Variants in CTNNA2 observed in about 807,000 individuals in gnomAD.
CTNNA2 encodes the protein catenin alpha 2.
Under a neutral mutation model 101.0 loss-of-function variants are expected in CTNNA2, and 42 were observed. The ratio of observed to expected loss-of-function variants is 0.42; its 90% CI spans 0.32 to 0.54. The LOEUF is 0.54. Among genes scored for constraint, CTNNA2 ranks in the 20% least tolerant of loss-of-function variants. The pLI, the probability that CTNNA2 is intolerant of heterozygous loss-of-function variation, is 0.14. For synonymous variants in CTNNA2, 450 were observed against 456.4 expected (o/e 0.99, Z 0.18); for missense variants, 871 against 1,223.1 (o/e 0.71, Z 4.29).
chr2:79,767,548 G>C (rs1271703224), intron 3 of CTNNA2, among the ~76,000 whole-genome samples: 1 of 152,116 alleles, frequency 6.6e-6, no homozygotes, highest in East Asian at 2.0e-4. Context: ...AGCTGTATCT[G>C]CTTTAGGGGG....
chr2:79,628,206 C>A (rs1262054611), intron 1 of CTNNA2, among the ~76,000 whole-genome samples: 1 of 152,096 alleles, frequency 6.6e-6, no homozygotes, highest in African/African-American at 2.4e-5. Context: ...AATCTCAGCA[C>A]TTTGGGAGAC....
intron 12 of CTNNA2, among the ~76,000 whole-genome samples, chr2:80,564,528 C>A (rs1270184930): frequency 7.1e-6 from 1 of 140,590 alleles, no homozygotes. Flanking sequence ...TTTTTTTTTA[C>A]CCCCTCCTTC....
At chr2:80,007,979 C>A (rs944862167) in intron 7 of CTNNA2, among the ~76,000 whole-genome samples, 10 of 152,160 alleles carry the variant, frequency 6.6e-5, no homozygotes, top group African/African-American at 1.9e-4. Context: ...TTGTAATGTT[C>A]AAAAGAGGGC....
chr2:80,252,250 C>T (rs930924375), intron 7 of CTNNA2, among the ~76,000 whole-genome samples: 1 of 152,158 alleles, frequency 6.6e-6, no homozygotes, highest in African/African-American at 2.4e-5. Flanking sequence ...CACATAGTTA[C>T]TGCTCAATAA....
In CTNNA2 at chr2:80,302,584, A is replaced by G. The variant is rs1676437110; in HGVS notation, c.1057-90627A>G. 1 of 1,607,106 alleles carries G rather than the reference A, an allele frequency of 6.2e-7. No individual in the cohort carries two copies. The highest frequency in any genetic ancestry group is 8.5e-7 in the Non-Finnish European group (1 of 1,179,026). On this transcript the variant is annotated intron_variant, in intron 7 of 18. Coordinates refer to ENST00000402739, the MANE Select transcript of CTNNA2 (RefSeq NM_001282597.3). The surrounding 1 kb of genome is among the most constrained non-coding windows in gnomAD (Gnocchi z 6.4). ...TCTCGGCGTGCTCGCCGCCTGGAAG[A>G]GCCACGGTGGCAGGCTCGAATGTGC...
intron 6 of CTNNA2, among the ~76,000 whole-genome samples, chr2:79,887,683 GA>G (rs1268165315): frequency 4.0e-5 from 6 of 151,832 alleles, no homozygotes; most frequent in African/African-American, 1.2e-4. Context: ...TCTTAAAAAA[GA>G]AAAAAACAAC....
At chr2:80,644,410 A>G (rs906809182) in intron 18 of CTNNA2, among the ~76,000 whole-genome samples, 3 of 152,164 alleles carry the variant, frequency 2.0e-5, no homozygotes, top group Admixed American at 6.6e-5. Context: ...AGAGAATGCA[A>G]CTATGTTAAA....
intron 1 of CTNNA2, among the ~76,000 whole-genome samples, chr2:79,641,543 T>C (rs1028437192): frequency 6.6e-6 from 1 of 152,178 alleles, no homozygotes; most frequent in Non-Finnish European, 1.5e-5. Context: ...TGAAGGATAA[T>C]AAGCAAGTTG....
intron 4 of CTNNA2, among the ~76,000 whole-genome samples, chr2:79,432,165 C>T (rs2104510907): frequency 6.6e-6 from 1 of 152,286 alleles, no homozygotes; most frequent in Non-Finnish European, 1.5e-5. Flanking sequence ...TAATAAATTT[C>T]TTCAAAAGCT....
At chr2:79,956,127 T>C (rs1465467089) in intron 7 of CTNNA2, among the ~76,000 whole-genome samples, 2 of 152,104 alleles carry the variant, frequency 1.3e-5, no homozygotes, top group Non-Finnish European at 2.9e-5. Context: ...CTATAATAAG[T>C]AGCCAGAGAG....
intron 7 of CTNNA2, among the ~76,000 whole-genome samples, chr2:80,345,734 T>G (rs1017592287): frequency 1.1e-4 from 16 of 152,182 alleles, no homozygotes; most frequent in Non-Finnish European, 2.1e-4. Flanking sequence ...TATTTTAAAA[T>G]TTGATGAAAT....
intron 2 of CTNNA2, among the ~76,000 whole-genome samples, chr2:79,228,129 A>C (rs1277363560): frequency 6.6e-6 from 1 of 152,212 alleles, no homozygotes; most frequent in East Asian, 1.9e-4. Flanking sequence ...ATAAGTACCA[A>C]GTACCACATT....
intron 7 of CTNNA2, among the ~76,000 whole-genome samples, chr2:80,334,609 A>G (rs1463404085): frequency 6.6e-6 from 1 of 152,168 alleles, no homozygotes; most frequent in African/African-American, 2.4e-5. Context: ...TCTTTCTAAC[A>G]TAGAGTCTTT....
intron 4 of CTNNA2, among the ~76,000 whole-genome samples, chr2:79,410,964 G>A (rs901432502): frequency 3.9e-5 from 6 of 152,186 alleles, no homozygotes; most frequent in African/African-American, 1.4e-4. Flanking sequence ...ATTGATTATT[G>A]CCACAATTTC....
rs1335645140 is a variant in CTNNA2, at chr2:79,614,829, G to GA, written c.-5-36718dup. 2.0e-5 allele frequency among the ~76,000 whole-genome samples: 3 copies of GA among 152,112 alleles called. No homozygotes were observed. The East Asian group carries it at 5.8e-4, about 29-fold the overall frequency. ...TGTGCATTTGATTATTACCAGTTTA[G>GA]AAAAATATCTTTTAGCTTTACAACT... On this transcript the variant is annotated intron_variant, in intron 1 of 18. Coordinates refer to ENST00000402739, the MANE Select transcript of CTNNA2 (RefSeq NM_001282597.3).
At chr2:80,181,435 C>G (rs1474197804) in intron 7 of CTNNA2, among the ~76,000 whole-genome samples, 3 of 152,162 alleles carry the variant, frequency 2.0e-5, no homozygotes, top group African/African-American at 7.2e-5. Context: ...GTTGCAGGGT[C>G]CCATTCTTTT....
intron 11 of CTNNA2, among the ~76,000 whole-genome samples, chr2:80,554,891 C>T (rs909205271): frequency 6.6e-6 from 1 of 152,134 alleles, no homozygotes; most frequent in Non-Finnish European, 1.5e-5. Context: ...ATGAAAAATA[C>T]AAAATTACAC....
intron 9 of CTNNA2, among the ~76,000 whole-genome samples, chr2:80,507,072 C>G (rs1688332987): frequency 6.6e-6 from 1 of 152,170 alleles, no homozygotes; most frequent in Non-Finnish European, 1.5e-5. Flanking sequence ...ATTTCTCAGA[C>G]AAACTCCAAG....
At chr2:79,633,826 C>T (rs1679849144) in intron 1 of CTNNA2, 1 of 152,196 alleles carries the variant, frequency 6.6e-6, no homozygotes, top group African/African-American at 2.4e-5. Flanking sequence ...AGAGCCTATG[C>T]TCACCTTCTG....
Sources: gnomAD v4.1 joint callset for allele counts (sites outside exome capture counted in the v4.1 genomes callset) on GRCh38, gnomAD v4.1.1 for gene constraint, Gnocchi (gnomAD v3.1) non-coding constraint, MANE v1.5 for transcripts, NCBI Gene and HGNC (gene_info 2026-07-23, HGNC 2026-07-21) for gene names.